The following TMEM231 variants were observed in gnomAD, a reference collection of about 807,000 sequenced individuals.
TMEM231 encodes transmembrane protein 231.
TMEM231 carries 40 observed loss-of-function variants against 38.5 expected under a neutral mutation model. The observed-to-expected ratio is 1.04, with a 90% confidence interval of 0.81 to 1.35. The LOEUF (loss-of-function observed/expected upper bound fraction) is 1.35, where lower values mean the gene tolerates loss of function less well. Among genes scored for constraint, TMEM231 ranks in the 40% most tolerant of loss-of-function variants. The pLI is 0.00. For missense variants in TMEM231, 420 were observed against 416.9 expected (o/e 1.01, Z -0.07); for synonymous variants, 199 against 181.7 (o/e 1.10, Z -0.77).
chr16:75,541,131 G>A (rs192828186), intron 6 of TMEM231, among the ~76,000 whole-genome samples: 2 of 151,924 alleles, frequency 1.3e-5, no homozygotes, highest in African/African-American at 2.4e-5. Context: ...CTCCTGCCTC[G>A]GCATCCCAAG....
chr16:75,552,542 G>C (rs2080774978), intron 2 of TMEM231, among the ~76,000 whole-genome samples: 1 of 152,168 alleles, frequency 6.6e-6, no homozygotes, highest in Non-Finnish European at 1.5e-5. Flanking sequence ...ATTATGGAGA[G>C]CTTTCCTGTT....
chr16:75,543,196 T>A (rs532157065), intron 4 of TMEM231, among the ~76,000 whole-genome samples: 12 of 151,622 alleles, frequency 7.9e-5, no homozygotes, highest in African/African-American at 2.9e-4. Flanking sequence ...CCGTAGTCAA[T>A]GATGATCATG....
intron 2 of TMEM231, among the ~76,000 whole-genome samples, chr16:75,554,560 A>G (rs1377069834): frequency 1.1e-5 from 1 of 91,132 alleles, no homozygotes; most frequent in Non-Finnish European, 2.4e-5. Context: ...AAAAAAAAAA[A>G]AAAGAAAAGA....
chr16:75,539,434 C>G lies in TMEM231; in HGVS notation c.*560G>C, dbSNP rs1309201160. The G allele has an allele frequency of 2.0e-5, 3 of 152,050 alleles. No individual in the cohort carries two copies. The highest frequency in any genetic ancestry group is 7.2e-5 in the African/African-American group (3 of 41,548). 9.4% of individuals were successfully genotyped at this position (152,050 alleles called of 1,614,324 possible). On this transcript the variant is annotated 3_prime_UTR_variant, in exon 7 of 7. Coordinates refer to ENST00000258173, the MANE Select transcript of TMEM231 (RefSeq NM_001077418.3). ...TCCTTCAGCGGCCCTCCCTGATTGC[C>G]TGTGCTAATGCGGCCCTTGCCCTTG...
chr16:75,549,982 T>C (rs1225111597), intron 2 of TMEM231, among the ~76,000 whole-genome samples: 1 of 152,214 alleles, frequency 6.6e-6, no homozygotes, highest in Non-Finnish European at 1.5e-5. Context: ...GTGCTGGGAT[T>C]ACAGGCATGA....
Position 75,540,046 on chromosome 16 carries a change from A to C in TMEM231, c.899T>G (p.Ile300Ser). The C allele has an allele frequency of 6.2e-7, 1 of 1,613,766 alleles. No individual in the cohort carries two copies. Among genetic ancestry groups the C allele is most frequent in the African/African-American group, 1.3e-5 (1 of 75,054 alleles). Residue 300 changes from isoleucine to serine, a missense_variant, in exon 7 of 7, where the codon ATT (isoleucine) becomes AGT (serine). Physicochemically the swap from Ile to Ser is moderately radical, Grantham distance 142. Coordinates refer to ENST00000258173, the MANE Select transcript of TMEM231 (RefSeq NM_001077418.3). ...FVFQNQVVTT[I>S]PVTVTPRGDL... ...TCCCCGGGGCGTCACTGTCACAGGA[A>C]TGGTGGTCACCACCTGATTCTGAAA... is the stretch of plus-strand genomic sequence containing the variant.
rs2080570462 is a variant in TMEM231 at position 75,537,322 on chromosome 16, T to TC, written c.*2671_*2672insG. 3 of 151,922 alleles carry TC rather than the reference T, an allele frequency of 2.0e-5. No homozygotes were observed. Among genetic ancestry groups the TC allele is most frequent in the African/African-American group, 4.8e-5 (2 of 41,364 alleles). The allele number at this position is 151,922 out of a possible 1,614,324, so 9.4% of individuals were successfully genotyped here. The stretch of plus-strand genomic sequence containing the variant: ...AAAAAAAAAGAAATAATTGCTTTAT[T>TC]AGCCTTACATGATGGAATATTAGGG... On this transcript the variant is annotated 3_prime_UTR_variant, in exon 7 of 7. Coordinates refer to ENST00000258173, the MANE Select transcript of TMEM231 (RefSeq NM_001077418.3).
At chr16:75,550,442 T>TGG (rs1453348597) in intron 2 of TMEM231, among the ~76,000 whole-genome samples, 1 of 152,144 alleles carries the variant, frequency 6.6e-6, no homozygotes, top group East Asian at 1.9e-4. Context: ...TGGCAGAACC[T>TGG]AACAGGAAGC....
chr16:75,554,444 G>A (rs1019027324), intron 2 of TMEM231, among the ~76,000 whole-genome samples: 2 of 151,078 alleles, frequency 1.3e-5, no homozygotes, highest in Non-Finnish European at 2.9e-5. Flanking sequence ...TACTCGGGAG[G>A]CTAAGGCACG....
chr16:75,550,615 T>G (rs1327477741), intron 2 of TMEM231, among the ~76,000 whole-genome samples: 1 of 152,184 alleles, frequency 6.6e-6, no homozygotes, highest in Non-Finnish European at 1.5e-5. Context: ...TCCTGATGTG[T>G]GACTTTTTTC....
At position 75,537,624 on chromosome 16, in the gene TMEM231, T is replaced by A. The variant is rs1567432401; in HGVS notation, c.*2370A>T. The A allele has an allele frequency of 6.6e-6, 1 of 152,120 alleles. No homozygotes were observed. Among genetic ancestry groups the A allele is most frequent in the Admixed American group, 6.6e-5 (1 of 15,262 alleles). 9.4% of individuals were successfully genotyped at this position (152,120 alleles called of 1,614,324 possible). On this transcript the variant is annotated 3_prime_UTR_variant, in exon 7 of 7. Transcript: ENST00000258173. Reference sequence around the variant, plus strand: ...GCCTCAGCCTACTAAATAGTTGGGATGACAGGCACGTGTCGCCACACCCAG... The same window carrying A: ...GCCTCAGCCTACTAAATAGTTGGGAAGACAGGCACGTGTCGCCACACCCAG...
At chr16:75,551,734 G>A (rs2080764071) in intron 2 of TMEM231, among the ~76,000 whole-genome samples, 1 of 152,088 alleles carries the variant, frequency 6.6e-6, no homozygotes, top group South Asian at 2.1e-4. Flanking sequence ...AGCCGAGGTG[G>A]GTGGATCACC....
chr16:75,543,125 T>C (rs575129345), intron 4 of TMEM231, among the ~76,000 whole-genome samples: 2 of 152,240 alleles, frequency 1.3e-5, no homozygotes, highest in Non-Finnish European at 2.9e-5. Context: ...GGCTCATGCC[T>C]ACAATCCCAG....
intron 6 of TMEM231, among the ~76,000 whole-genome samples, chr16:75,540,416 T>A (rs1018196214): frequency 6.6e-6 from 1 of 152,334 alleles, no homozygotes; most frequent in East Asian, 1.9e-4. Context: ...ACTAGATTGA[T>A]CATGGACTAG....
chr16:75,550,173 G>A (rs1015763372), intron 2 of TMEM231, among the ~76,000 whole-genome samples: 1 of 152,220 alleles, frequency 6.6e-6, no homozygotes, highest in African/African-American at 2.4e-5. Flanking sequence ...GAACTTAGAG[G>A]TTCAGGGAAG....
chr16:75,547,733 C>T (rs950746305), intron 2 of TMEM231, among the ~76,000 whole-genome samples: 1 of 152,066 alleles, frequency 6.6e-6, no homozygotes, highest in African/African-American at 2.4e-5. Flanking sequence ...GAGCCAAGAT[C>T]TTGCCACTGC....
Position 75,536,878 on chromosome 16 carries a change from TTG to T in TMEM231, c.*3114_*3115del. 1 of 152,118 alleles carries T rather than the reference TTG, an allele frequency of 6.6e-6. No individual in the cohort carries two copies. Among genetic ancestry groups the T allele is most frequent in the East Asian group, 1.9e-4 (1 of 5,180 alleles). 9.4% of individuals were successfully genotyped at this position (152,118 alleles called of 1,614,324 possible). ...ATCAAACTGCTGTGATCCCAGCACT[TTG>T]GGTGGCCAAAGCGGATGGATCACTT... On this transcript the variant is annotated 3_prime_UTR_variant, in exon 7 of 7. Coordinates refer to ENST00000258173, the MANE Select transcript of TMEM231 (RefSeq NM_001077418.3).
At chr16:75,551,577 A>G (rs1567439191) in intron 2 of TMEM231, among the ~76,000 whole-genome samples, 1 of 152,210 alleles carries the variant, frequency 6.6e-6, no homozygotes, top group Non-Finnish European at 1.5e-5. Context: ...AAACTATGAC[A>G]CTTTTCTAAT....
At chr16:75,547,145 T>G (rs1007491430) in intron 2 of TMEM231, among the ~76,000 whole-genome samples, 1 of 152,230 alleles carries the variant, frequency 6.6e-6, no homozygotes. Flanking sequence ...TGGATCTTTT[T>G]GCTACAACTG....
Sources: gnomAD v4.1 joint callset for allele counts (sites outside exome capture counted in the v4.1 genomes callset) on GRCh38, gnomAD v4.1.1 for gene constraint, MANE v1.5 for transcripts, NCBI Gene and HGNC (gene_info 2026-07-23, HGNC 2026-07-21) for gene names.